Variants in MED12L observed in about 807,000 individuals in gnomAD.
MED12L encodes mediator complex subunit 12L.
In MED12L, 60 loss-of-function variants were observed where a neutral mutation model predicts 281.3. That is an observed-to-expected ratio of 0.21 (90% CI 0.17 to 0.26). The LOEUF (loss-of-function observed/expected upper bound fraction) is 0.26. MED12L is among the 10% of genes least tolerant of loss of function. The pLI is 1.00. For missense variants in MED12L, 2,146 were observed against 2,680.9 expected (o/e 0.80, Z 4.41); for synonymous variants, 974 against 987.2 (o/e 0.99, Z 0.25).
intron 16 of MED12L, among the ~76,000 whole-genome samples, chr3:151,237,598 G>A (rs944424940): frequency 2.6e-5 from 4 of 151,888 alleles, no homozygotes; most frequent in South Asian, 2.1e-4. Context: ...TGATCTGCCC[G>A]CCTCGGCCTC....
rs770617075 is a variant in MED12L, at chr3:151,128,004, A to G, written c.556+20A>G. On this transcript the variant is annotated intron_variant, in intron 5 of 44. Transcript: ENST00000687756. ...ATTTGGGTAAGTGAGAGAATACAAT[A>G]CACCTTACATTTCATTATTGATTTT... 2.5e-6 allele frequency: 4 copies of G among 1,598,824 alleles called. No individual in the cohort carries two copies. The highest frequency in any genetic ancestry group is 3.4e-6 in the Non-Finnish European group (4 of 1,168,500).
Position 151,382,749 on chromosome 3 carries a change from A to G in MED12L, c.4680+4A>G. ...ATTGCAACTCCGCCTAAATTTGGTAAGTGACATTTCTAGTATTTTCCCTCC... is the reference window on the plus strand; with the variant it reads ...ATTGCAACTCCGCCTAAATTTGGTAGGTGACATTTCTAGTATTTTCCCTCC... On this transcript the variant is annotated splice_donor_region_variant and intron_variant, in intron 33 of 44. Coordinates refer to ENST00000687756, the MANE Select transcript of MED12L (RefSeq NM_001393769.1). 1 of 1,605,486 alleles carries G rather than the reference A, an allele frequency of 6.2e-7. No individual in the cohort carries two copies. The highest frequency in any genetic ancestry group is 1.1e-5 in the South Asian group (1 of 89,720).
At chr3:151,398,346 G>A (rs563840189) in intron 39 of MED12L, among the ~76,000 whole-genome samples, 6 of 152,300 alleles carry the variant, frequency 3.9e-5, no homozygotes, top group African/African-American at 1.4e-4. Context: ...TCTGTCTAGT[G>A]GGGGAAGTTG....
At position 151,392,699 on chromosome 3, in the gene MED12L, T is replaced by TAC. The variant is rs202118703; in HGVS notation, c.5609-1952_5609-1951dup. ...TATCTTTCCTAATCTTTCTCATATA[T>TAC]ACACACCAGTATTATAAAGTTGTAA... On this transcript the variant is annotated intron_variant, in intron 38 of 44. Coordinates refer to ENST00000687756, the MANE Select transcript of MED12L (RefSeq NM_001393769.1). Among the ~76,000 whole-genome samples, 3 of 152,238 alleles carry TAC rather than the reference T, an allele frequency of 2.0e-5. No homozygotes were observed. The East Asian group carries it at 5.8e-4, about 29-fold the overall frequency.
chr3:151,150,088 G>T (rs1718254032), intron 5 of MED12L, among the ~76,000 whole-genome samples: 1 of 152,132 alleles, frequency 6.6e-6, no homozygotes, highest in South Asian at 2.1e-4. Flanking sequence ...GTTCTTAATG[G>T]TATCTAGAAT....
In MED12L at chr3:151,214,363, C is replaced by A; in HGVS notation, c.2250+20697C>A. ...GGCCTGAAAAGAGGTGTGAACTGGTCACTCATAGGGCACTTATGGCCTCCA... is the reference window on the plus strand; with the variant it reads ...GGCCTGAAAAGAGGTGTGAACTGGTAACTCATAGGGCACTTATGGCCTCCA... On this transcript the variant is annotated intron_variant, in intron 16 of 44. Transcript: ENST00000687756. The A allele has an allele frequency of 2.0e-6, 3 of 1,511,978 alleles. No individual in the cohort carries two copies. In the South Asian group the frequency reaches 3.6e-5, roughly 18 times the overall value. 93.7% of individuals were successfully genotyped at this position (1,511,978 alleles called of 1,614,324 possible). A position where few individuals can be genotyped will look rare whatever the true frequency, so the allele number is the denominator to read the frequency against.
intron 16 of MED12L, among the ~76,000 whole-genome samples, chr3:151,227,448 C>T (rs1730756516): frequency 6.6e-6 from 1 of 152,218 alleles, no homozygotes; most frequent in South Asian, 2.1e-4. Context: ...GATTTATAAA[C>T]TGATAACGTC....
chr3:151,340,534 T>C (rs1751678343), intron 16 of MED12L: 3 of 152,588 alleles, frequency 2.0e-5, no homozygotes, highest in Non-Finnish European at 4.4e-5. Context: ...TTGGAAAAAA[T>C]GTACACACAT....
At chr3:151,260,783 G>C (rs956914056) in intron 16 of MED12L, among the ~76,000 whole-genome samples, 1 of 152,126 alleles carries the variant, frequency 6.6e-6, no homozygotes, top group African/African-American at 2.4e-5. Flanking sequence ...CTGTATTCTT[G>C]TAAATAACTG....
intron 38 of MED12L, among the ~76,000 whole-genome samples, chr3:151,390,407 G>A (rs115133977): frequency 7.9e-5 from 12 of 152,186 alleles, no homozygotes; most frequent in East Asian, 1.9e-4. Context: ...AGTTGATAAC[G>A]GTTTTATGTT....
At chr3:151,211,222 G>A (rs1329478303) in intron 16 of MED12L, among the ~76,000 whole-genome samples, 12 of 152,198 alleles carry the variant, frequency 7.9e-5, no homozygotes, top group Non-Finnish European at 1.8e-4. Context: ...TTTAGCACAT[G>A]CTTACAAAGG....
chr3:151,201,796 GA>G (rs1725632275), intron 16 of MED12L, among the ~76,000 whole-genome samples: 1 of 152,176 alleles, frequency 6.6e-6, no homozygotes, highest in Non-Finnish European at 1.5e-5. Flanking sequence ...CGTGTGCATT[GA>G]TATAGTGTCA....
intron 27 of MED12L, among the ~76,000 whole-genome samples, chr3:151,375,584 A>ATTATTCATAGAAAACG (rs1290858873): frequency 6.6e-6 from 1 of 152,198 alleles, no homozygotes; most frequent in East Asian, 1.9e-4. Flanking sequence ...TAATAGTATC[A>ATTATTCATAGAAAACG]AAAAGGAAGA....
At chr3:151,285,404 C>T (rs757996122) in intron 16 of MED12L, among the ~76,000 whole-genome samples, 1 of 151,934 alleles carries the variant, frequency 6.6e-6, no homozygotes, top group Non-Finnish European at 1.5e-5. Context: ...ACGAGAATGG[C>T]GTGAACCCAG....
At chr3:151,367,819 G>T in intron 24 of MED12L, 53 bp downstream of exon 24, 1 of 1,563,426 alleles carries the variant, frequency 6.4e-7, no homozygotes. Flanking sequence ...TCTTGATGGA[G>T]TGGTTTCTAA....
chr3:151,213,949 A>G (rs768728429), intron 16 of MED12L: 2 of 1,614,108 alleles, frequency 1.2e-6, no homozygotes, highest in African/African-American at 1.3e-5. Context: ...AGGCTTTACA[A>G]TTTTATAATA....
In MED12L at chr3:151,250,177, C is replaced by G. The variant is rs539677139; in HGVS notation, c.2250+56511C>G. On this transcript the variant is annotated intron_variant, in intron 16 of 44. Coordinates refer to ENST00000687756, the MANE Select transcript of MED12L (RefSeq NM_001393769.1). ...TCCACTCTGCCTTCTGTCCTCAGCA[C>G]TTATCTAGAACTGCCAAAGACCTCC... Among the ~76,000 whole-genome samples the G allele has an allele frequency of 2.0e-5, 3 of 152,302 alleles. No individual in the cohort carries two copies. The South Asian group carries it at 6.2e-4, about 32-fold the overall frequency.
chr3:151,217,353 C>T (rs554536448), intron 16 of MED12L, among the ~76,000 whole-genome samples: 2 of 152,222 alleles, frequency 1.3e-5, no homozygotes, highest in South Asian at 2.1e-4. Flanking sequence ...GCTGCAGGTC[C>T]AGAACTCTGC....
rs1719712697 is a variant in MED12L at position 151,433,106 on chromosome 3, C to G, written c.*302C>G. 7.2e-6 allele frequency: 2 copies of G among 276,986 alleles called. No homozygotes were observed. The highest frequency in any genetic ancestry group is 1.4e-5 in the Non-Finnish European group (2 of 147,042). The allele number at this position is 276,986 out of a possible 1,614,324, so 17.2% of individuals were successfully genotyped here. ...TGAAATTGGTGCTTTTTTTGAATCT[C>G]ACATTTCTAGAAAGAATGGATTATG... On this transcript the variant is annotated 3_prime_UTR_variant, in exon 45 of 45. Coordinates refer to ENST00000687756, the MANE Select transcript of MED12L (RefSeq NM_001393769.1).
Sources: gnomAD v4.1 joint callset for allele counts (sites outside exome capture counted in the v4.1 genomes callset) on GRCh38, gnomAD v4.1.1 for gene constraint, MANE v1.5 for transcripts, NCBI Gene and HGNC (gene_info 2026-07-23, HGNC 2026-07-21) for gene names.